PCMTD1: variants seen among roughly 807,000 people sequenced by gnomAD.
PCMTD1 encodes the protein protein-L-isoaspartate (D-aspartate) O-methyltransferase domain containing 1, also known as protein-L-isoaspartate O-methyltransferase domain-containing protein 1.
PCMTD1 carries 12 observed loss-of-function variants against 37.6 expected under a neutral mutation model. That is an observed-to-expected ratio of 0.32 (90% CI 0.20 to 0.52). PCMTD1 has a LOEUF of 0.52. Ranked by LOEUF, PCMTD1 falls within the 20% of genes least tolerant of loss-of-function variation. The pLI, the probability that PCMTD1 is intolerant of heterozygous loss-of-function variation, is 0.97. For synonymous variants in PCMTD1, 117 were observed against 135.8 expected (o/e 0.86, Z 0.96); for missense variants, 235 against 421.3 (o/e 0.56, Z 3.87).
At chr8:51,857,759 T>C (rs2038412828) in intron 2 of PCMTD1, among the ~76,000 whole-genome samples, 1 of 152,216 alleles carries the variant, frequency 6.6e-6, no homozygotes, top group African/African-American at 2.4e-5. Context: ...GTTGATCTAT[T>C]CTCCACTTTC....
intron 1 of PCMTD1, among the ~76,000 whole-genome samples, chr8:51,883,717 T>C (rs1197080158): frequency 1.3e-5 from 2 of 152,120 alleles, no homozygotes; most frequent in East Asian, 3.8e-4. Context: ...TACAAGAGCT[T>C]TTTTTTGGCA....
At chr8:51,884,665 C>T (rs2038839587) in intron 1 of PCMTD1, among the ~76,000 whole-genome samples, 1 of 152,176 alleles carries the variant, frequency 6.6e-6, no homozygotes, top group Admixed American at 6.5e-5. Flanking sequence ...GGCAGGCTTC[C>T]CCAGCACGAG....
intron 4 of PCMTD1, among the ~76,000 whole-genome samples, 192 bp downstream of exon 4, chr8:51,833,326 G>A (rs1443952725): frequency 6.6e-6 from 1 of 152,182 alleles, no homozygotes; most frequent in Non-Finnish European, 1.5e-5. Flanking sequence ...ATAGTAGAGA[G>A]ATCTTTTCTC....
At chr8:51,856,095 A>G (rs755201577) in intron 2 of PCMTD1, among the ~76,000 whole-genome samples, 11 of 152,194 alleles carry the variant, frequency 7.2e-5, no homozygotes, top group Non-Finnish European at 1.3e-4. Context: ...CACTTAAAAG[A>G]GCATGAAAAA....
intron 1 of PCMTD1, among the ~76,000 whole-genome samples, chr8:51,863,856 G>C (rs1158171639): frequency 6.6e-6 from 1 of 151,728 alleles, no homozygotes; most frequent in Non-Finnish European, 1.5e-5. Context: ...GAACTTGGGA[G>C]GCAGAGATTG....
At chr8:51,899,145 C>A (rs866489423), upstream of PCMTD1, 2 of 1,355,518 alleles carry the variant, frequency 1.5e-6, no homozygotes, top group South Asian at 1.7e-5. Flanking sequence ...GGCAGCTCCC[C>A]GCGGACGCCA....
intron 1 of PCMTD1, among the ~76,000 whole-genome samples, chr8:51,863,260 C>T (rs2038501009): frequency 6.6e-6 from 1 of 152,066 alleles, no homozygotes; most frequent in Non-Finnish European, 1.5e-5. Flanking sequence ...AAAATTATTC[C>T]CTTTGAGTGG....
chr8:51,868,719 G>C (rs904148581), intron 1 of PCMTD1, among the ~76,000 whole-genome samples: 1 of 151,802 alleles, frequency 6.6e-6, no homozygotes, highest in African/African-American at 2.4e-5. Flanking sequence ...CCACACCAAA[G>C]AGTTTCACAG....
chr8:51,863,027 C>CTT (rs34284265), intron 1 of PCMTD1, among the ~76,000 whole-genome samples: 88,880 of 147,832 alleles, frequency 0.6, 31,112 homozygotes, highest in Non-Finnish European at 0.79. Flanking sequence ...CATTTCAATA[C>CTT]TTTTTTTTTT....
chr8:51,832,766 T>C (rs1427148304), intron 4 of PCMTD1, among the ~76,000 whole-genome samples: 1 of 152,140 alleles, frequency 6.6e-6, no homozygotes, highest in Non-Finnish European at 1.5e-5. Flanking sequence ...TTCAAATGAG[T>C]CTATTCGGTA....
intron 1 of PCMTD1, among the ~76,000 whole-genome samples, chr8:51,862,071 TAGTAC>T (rs897715284): frequency 2.0e-5 from 3 of 152,198 alleles, no homozygotes; most frequent in Admixed American, 2.0e-4. Context: ...TAGTATAGTA[TAGTAC>T]AGTATAGTAT....
At position 51,861,084 on chromosome 8, in the gene PCMTD1, T is replaced by A; in HGVS notation, c.68A>T (p.Tyr23Phe). The A allele has an allele frequency of 6.2e-7, 1 of 1,614,180 alleles. No homozygotes were observed. Among genetic ancestry groups the A allele is most frequent in the Non-Finnish European group, 8.5e-7 (1 of 1,180,024 alleles). The change falls in exon 2 of 6, where the codon TAT becomes TTT. Residue 23 changes from tyrosine to phenylalanine, a missense_variant. By Grantham distance (22) the Tyr-to-Phe change is conservative. Coordinates refer to ENST00000522514, the MANE Select transcript of PCMTD1 (RefSeq NM_052937.4). The part of the protein sequence containing the change: ...DLIDNLKEAQ[Y>F]IRTERVEQAF... ...TTGCTCCACTCTTTCAGTACGAATA[T>A]ACTGAGCTTCTTTTAAATTATCAAT...
At chr8:51,861,705 A>G (rs1379331057) in intron 1 of PCMTD1, among the ~76,000 whole-genome samples, 1 of 147,234 alleles carries the variant, frequency 6.8e-6, no homozygotes, top group East Asian at 2.0e-4. Flanking sequence ...CTTTAGAGTC[A>G]GAAACCATGT....
chr8:51,865,103 T>C (rs1007016271), intron 1 of PCMTD1, among the ~76,000 whole-genome samples: 1 of 152,022 alleles, frequency 6.6e-6, no homozygotes, highest in South Asian at 2.1e-4. Context: ...TTCCTGGAAA[T>C]GTACAACCTA....
intron 1 of PCMTD1, among the ~76,000 whole-genome samples, chr8:51,888,946 T>G (rs1377920474): frequency 6.6e-6 from 1 of 152,074 alleles, no homozygotes; most frequent in East Asian, 1.9e-4. Flanking sequence ...ACTGCTTTGC[T>G]CTCTCACTGC....
At chr8:51,872,589 T>C (rs1266978927) in intron 1 of PCMTD1, among the ~76,000 whole-genome samples, 1 of 152,152 alleles carries the variant, frequency 6.6e-6, no homozygotes, top group Non-Finnish European at 1.5e-5. Context: ...CAGGGAAGCA[T>C]GATTGAAAAA....
At position 51,890,733 on chromosome 8, in the gene PCMTD1, T is replaced by G. The variant is rs145077870; in HGVS notation, c.-96+8197A>C. Among the ~76,000 whole-genome samples the G allele has an allele frequency of 1.1e-3, 171 of 152,338 alleles. 2 individuals carry two copies. The highest frequency in any genetic ancestry group is 3.8e-3 in the African/African-American group (158 of 41,580). ...CATAACCAACAGCTAAACACCCATG[T>G]GCTTGGCAGTATAAATGTAGAAATC... is the stretch of plus-strand genomic sequence containing the variant. On this transcript the variant is annotated intron_variant, in intron 1 of 5. Transcript: ENST00000522514.
intron 1 of PCMTD1, among the ~76,000 whole-genome samples, chr8:51,864,410 T>C (rs183068242): frequency 5.3e-5 from 8 of 152,270 alleles, no homozygotes; most frequent in Admixed American, 2.0e-4. Context: ...AAAAGACATA[T>C]AGAACATTCT....
intron 2 of PCMTD1, among the ~76,000 whole-genome samples, chr8:51,846,085 A>G (rs1374720347): frequency 6.6e-6 from 1 of 152,220 alleles, no homozygotes; most frequent in Non-Finnish European, 1.5e-5. Context: ...TTCTAAGTGA[A>G]GTTTAAGTTA....
Sources: gnomAD v4.1 joint callset for allele counts (sites outside exome capture counted in the v4.1 genomes callset) on GRCh38, gnomAD v4.1.1 for gene constraint, MANE v1.5 for transcripts, NCBI Gene and HGNC (gene_info 2026-07-23, HGNC 2026-07-21) for gene names.